Variants in GALNT13 observed in about 807,000 individuals in gnomAD.
GALNT13 encodes UDP-GalNAc:polypeptide N-acetylgalactosaminyltransferase 13.
Under a neutral mutation model 64.2 loss-of-function variants are expected in GALNT13, and 28 were observed. That is an observed-to-expected ratio of 0.44 (90% CI 0.32 to 0.60). The LOEUF (loss-of-function observed/expected upper bound fraction) is 0.60, where lower values mean the gene tolerates loss of function less well. Among genes scored for constraint, GALNT13 ranks in the 20% least tolerant of loss-of-function variants. The pLI is 0.05. For synonymous variants in GALNT13, 214 were observed against 224.6 expected (o/e 0.95, Z 0.42); for missense variants, 577 against 669.8 (o/e 0.86, Z 1.53).
chr2:153,152,318 G>T, the GALNT13 span, among the ~76,000 whole-genome samples: 1 of 151,994 alleles, frequency 6.6e-6, no homozygotes, highest in Non-Finnish European at 1.5e-5. Context: ...TAGTGCACTT[G>T]GATATGGCCA....
intron 10 of GALNT13, among the ~76,000 whole-genome samples, chr2:154,407,606 G>A (rs1390417262): frequency 6.6e-6 from 1 of 151,818 alleles, no homozygotes; most frequent in Non-Finnish European, 1.5e-5. Flanking sequence ...AACAGGTACC[G>A]GGTTTTGCTT....
intron 11 of GALNT13, chr2:154,436,279 C>T (rs1422271470): frequency 1.3e-5 from 2 of 151,952 alleles, no homozygotes; most frequent in Admixed American, 6.6e-5. Context: ...CTTAAATGTA[C>T]GTTACTTATA....
In GALNT13 at chr2:154,301,329, C is replaced by A. The variant is rs62172260; in HGVS notation, c.976-80C>A. The A allele has an allele frequency of 7.2e-4, 844 of 1,168,838 alleles. 2 individuals are homozygous for A. The highest frequency in any genetic ancestry group is 9.3e-4 in the Non-Finnish European group (760 of 814,064). 72.4% of individuals were successfully genotyped at this position (1,168,838 alleles called of 1,614,324 possible). On this transcript the variant is annotated intron_variant, in intron 8 of 12. Coordinates refer to ENST00000392825, the MANE Select transcript of GALNT13 (RefSeq NM_052917.4). Reference sequence around the variant, plus strand: ...ATATTTGCTTGAAACATGTAAAATACGAAGATTTGGCCTAAGCTTCAGTTG... The same window carrying A: ...ATATTTGCTTGAAACATGTAAAATAAGAAGATTTGGCCTAAGCTTCAGTTG...
At chr2:154,403,951 G>A (rs771685522) in intron 10 of GALNT13, among the ~76,000 whole-genome samples, 6 of 152,118 alleles carry the variant, frequency 3.9e-5, no homozygotes, top group Non-Finnish European at 5.9e-5. Flanking sequence ...TTTGTAAAAC[G>A]GGAGTAATAG....
the GALNT13 span, among the ~76,000 whole-genome samples, chr2:153,254,067 G>A: frequency 6.6e-6 from 1 of 152,086 alleles, no homozygotes; most frequent in South Asian, 2.1e-4. Context: ...TTGTACCTCT[G>A]GTAGAATTCG....
Position 154,140,381 on chromosome 2 carries a change from G to A in GALNT13, c.187G>A (p.Ala63Thr). ...AGAAGGGCCAGGAGAAATGGGAAAA[G>A]CTGTGTTGATTCCTAAAGATGACCA... ...NQEGPGEMGK[A>T]VLIPKDDQEK... The change falls in exon 4 of 13, where the codon GCT becomes ACT. Residue 63 changes from alanine (A) to threonine (T), a missense_variant. Physicochemically the swap from Ala to Thr is moderately conservative, Grantham distance 58. Coordinates refer to ENST00000392825, the MANE Select transcript of GALNT13 (RefSeq NM_052917.4). 6.2e-7 allele frequency: 1 copy of A among 1,613,200 alleles called. No individual in the cohort carries two copies. The highest frequency in any genetic ancestry group is 8.5e-7 in the Non-Finnish European group (1 of 1,179,376).
the GALNT13 span, among the ~76,000 whole-genome samples, chr2:153,830,680 G>C: frequency 1.3e-5 from 2 of 152,180 alleles, no homozygotes; most frequent in East Asian, 3.9e-4. Flanking sequence ...GTTTGCATTT[G>C]TATTCATTTA....
At chr2:154,198,164 G>A (rs536449403) in intron 4 of GALNT13, among the ~76,000 whole-genome samples, 1 of 152,034 alleles carries the variant, frequency 6.6e-6, no homozygotes, top group South Asian at 2.1e-4. Context: ...ATGTTGTTTA[G>A]GAGTACATGC....
the GALNT13 span, among the ~76,000 whole-genome samples, chr2:153,217,700 G>C: frequency 1.3e-5 from 2 of 151,914 alleles, no homozygotes; most frequent in Non-Finnish European, 2.9e-5. Flanking sequence ...CAGCTCTGAA[G>C]TTATCCTTCT....
chr2:153,622,289 G>A, the GALNT13 span, among the ~76,000 whole-genome samples: 1 of 152,022 alleles, frequency 6.6e-6, no homozygotes, highest in Non-Finnish European at 1.5e-5. Context: ...AGATCCAAAG[G>A]TTTTATTTAC....
the GALNT13 span, among the ~76,000 whole-genome samples, chr2:153,676,721 A>G: frequency 2.0e-5 from 3 of 152,186 alleles, no homozygotes; most frequent in Non-Finnish European, 4.4e-5. Flanking sequence ...GGATGGTTCA[A>G]CATATGCAAA....
the GALNT13 span, among the ~76,000 whole-genome samples, chr2:153,243,262 C>T: frequency 6.6e-6 from 1 of 152,152 alleles, no homozygotes; most frequent in Non-Finnish European, 1.5e-5. Context: ...TAGGATTTCC[C>T]TCCTTCTGGG....
intron 4 of GALNT13, among the ~76,000 whole-genome samples, chr2:154,211,306 T>A (rs957396797): frequency 7.9e-5 from 12 of 151,710 alleles, no homozygotes; most frequent in African/African-American, 2.9e-4. Flanking sequence ...GTCATATTTG[T>A]GTATCTAAAC....
At chr2:153,780,242 T>TGCATATATATATATATATATGC in the GALNT13 span, among the ~76,000 whole-genome samples, 3 of 78,504 alleles carry the variant, frequency 3.8e-5, no homozygotes, top group Admixed American at 1.2e-4. Context: ...TATATATATA[T>TGCATATATATATATATATATGC]ATATATATAT....
chr2:153,905,123 C>T (rs920694475), intron 2 of GALNT13, among the ~76,000 whole-genome samples: 1 of 151,814 alleles, frequency 6.6e-6, no homozygotes, highest in African/African-American at 2.4e-5. Context: ...GTTGACTTTG[C>T]CTTCTTTCAT....
the GALNT13 span, among the ~76,000 whole-genome samples, chr2:153,507,243 C>T: frequency 5.9e-5 from 9 of 151,806 alleles, no homozygotes; most frequent in South Asian, 6.2e-4. Context: ...ATTTTTATTT[C>T]GTATCCTGCA....
intron 11 of GALNT13, among the ~76,000 whole-genome samples, chr2:154,416,792 G>A (rs1700027822): frequency 6.6e-6 from 1 of 152,112 alleles, no homozygotes; most frequent in Non-Finnish European, 1.5e-5. Flanking sequence ...TTACATGTCA[G>A]TGAATCTCTT....
At chr2:153,244,683 C>T in the GALNT13 span, among the ~76,000 whole-genome samples, 28 of 152,226 alleles carry the variant, frequency 1.8e-4, no homozygotes, top group African/African-American at 6.3e-4. Flanking sequence ...AATACCTTTG[C>T]AGCTAGCTTG....
chr2:153,940,349 C>T (rs1284465286), intron 2 of GALNT13, among the ~76,000 whole-genome samples: 3 of 151,684 alleles, frequency 2.0e-5, no homozygotes, highest in African/African-American at 7.3e-5. Context: ...CCTCCGCCCC[C>T]CAGGTTCAAG....
Sources: gnomAD v4.1 joint callset for allele counts (sites outside exome capture counted in the v4.1 genomes callset) on GRCh38, gnomAD v4.1.1 for gene constraint, MANE v1.5 for transcripts, NCBI Gene and HGNC (gene_info 2026-07-23, HGNC 2026-07-21) for gene names.